The following DLGAP2 variants were observed in gnomAD, a reference collection of about 807,000 sequenced individuals.
DLGAP2 encodes the protein disks large-associated protein 2.
In DLGAP2, 26 loss-of-function variants were observed where a neutral mutation model predicts 100.3. The observed-to-expected ratio is 0.26, with a 90% CI of 0.19 to 0.36. The LOEUF (loss-of-function observed/expected upper bound fraction) is 0.36. DLGAP2 is among the 10% of genes least tolerant of loss of function. The pLI is 1.00. For synonymous variants in DLGAP2, 886 were observed against 630.1 expected (o/e 1.41, Z -6.08); for missense variants, 1,858 against 1,453.2 (o/e 1.28, Z -4.53).
intron 12 of DLGAP2, chr8:1,680,445 TA>T (rs1798917473): frequency 6.6e-6 from 1 of 152,230 alleles, no homozygotes; most frequent in Non-Finnish European, 1.5e-5. Context: ...TGTTAAAACT[TA>T]AGGTCTGAAC....
intron 2 of DLGAP2, among the ~76,000 whole-genome samples, chr8:1,233,198 T>C (rs1158421717): frequency 6.6e-6 from 1 of 152,236 alleles, no homozygotes; most frequent in South Asian, 2.1e-4. Context: ...TTGTCACTCA[T>C]TGGACATTTG....
chr8:1,470,185 T>G (rs1230999948), intron 3 of DLGAP2, among the ~76,000 whole-genome samples: 1 of 152,006 alleles, frequency 6.6e-6, no homozygotes, highest in Non-Finnish European at 1.5e-5. Context: ...CAGTTGTGGC[T>G]GCTGAAAGAC....
At chr8:1,435,110 C>T (rs1441062713) in intron 3 of DLGAP2, among the ~76,000 whole-genome samples, 1 of 152,252 alleles carries the variant, frequency 6.6e-6, no homozygotes, top group East Asian at 1.9e-4. Context: ...TTCCAACCTA[C>T]TCGGGCCTAC....
chr8:1,549,462 G>T lies in DLGAP2; in HGVS notation c.1009G>T (p.Asp337Tyr), dbSNP rs1452739637. ...YPDALQSPFG[D>Y]LSLKTSKSNN... ...CGACGCGCTGCAGAGCCCCTTCGGG[G>T]ACCTGTCCCTCAAGACCTCCAAGAG... is the stretch of plus-strand genomic sequence containing the variant. The change falls in exon 5 of 15, where the codon GAC becomes TAC. Residue 337 changes from aspartate to tyrosine, a missense_variant. Transcript: ENST00000637795. 3 of 1,613,462 alleles carry T rather than the reference G, an allele frequency of 1.9e-6. No homozygotes were observed. The South Asian group carries it at 3.3e-5, about 18-fold the overall frequency.
intron 2 of DLGAP2, among the ~76,000 whole-genome samples, chr8:1,152,257 A>C (rs1057112542): frequency 6.6e-6 from 1 of 152,222 alleles, no homozygotes; most frequent in African/African-American, 2.4e-5. Context: ...ACTTTTAGAA[A>C]TATGTTTGCA....
intron 2 of DLGAP2, among the ~76,000 whole-genome samples, chr8:1,025,804 G>A (rs981543357): frequency 6.6e-6 from 1 of 152,212 alleles, no homozygotes; most frequent in Non-Finnish European, 1.5e-5. Flanking sequence ...TGGCTCTGAG[G>A]CCTGTCAGCC....
chr8:1,334,153 A>C (rs1801219873), intron 3 of DLGAP2, among the ~76,000 whole-genome samples: 1 of 152,240 alleles, frequency 6.6e-6, no homozygotes, highest in African/African-American at 2.4e-5. Flanking sequence ...CTCCTCAGTG[A>C]GGTTCTGGAC....
At chr8:817,711 A>G (rs1563047600) in intron 1 of DLGAP2, among the ~76,000 whole-genome samples, 1 of 152,152 alleles carries the variant, frequency 6.6e-6, no homozygotes, top group Non-Finnish European at 1.5e-5. Context: ...CCTGAGAACC[A>G]AACTGTAGTG....
At chr8:1,001,770 C>G (rs1473977221) in intron 2 of DLGAP2, among the ~76,000 whole-genome samples, 1 of 152,170 alleles carries the variant, frequency 6.6e-6, no homozygotes, top group Non-Finnish European at 1.5e-5. Flanking sequence ...CCTTCCTCCA[C>G]TCCCCCAAAT....
chr8:1,165,392 C>G (rs933291154), intron 2 of DLGAP2, among the ~76,000 whole-genome samples: 5 of 152,166 alleles, frequency 3.3e-5, no homozygotes, highest in African/African-American at 4.8e-5. Flanking sequence ...CAGCCGGGCT[C>G]GGGTCTTAGG....
chr8:1,601,945 G>GGTGTGTGTGTGTGTGTGTGTGTGT (rs55762722), intron 6 of DLGAP2, among the ~76,000 whole-genome samples: 2 of 146,348 alleles, frequency 1.4e-5, no homozygotes, highest in East Asian at 2.0e-4. Flanking sequence ...AATTTAACAG[G>GGTGTGTGTGTGTGTGTGTGTGTGT]GTGTGTGTGT....
chr8:1,626,181 C>G (rs113157528), intron 6 of DLGAP2, among the ~76,000 whole-genome samples: 3 of 145,726 alleles, frequency 2.1e-5, no homozygotes, highest in Admixed American at 6.7e-5. Flanking sequence ...GTTCCCATCT[C>G]TACCCTGTGG....
intron 2 of DLGAP2, among the ~76,000 whole-genome samples, chr8:1,166,235 C>T (rs1310740612): frequency 6.6e-6 from 1 of 152,202 alleles, no homozygotes; most frequent in Non-Finnish European, 1.5e-5. Context: ...CTTCTACCCT[C>T]CTGCTGCCTT....
chr8:1,467,067 C>T (rs1008759721), intron 3 of DLGAP2, among the ~76,000 whole-genome samples: 1 of 141,474 alleles, frequency 7.1e-6, no homozygotes, highest in Non-Finnish European at 1.5e-5. Flanking sequence ...AGACGGATGC[C>T]CGGCCCCGGG....
At chr8:1,299,564 C>A (rs1049999897) in intron 3 of DLGAP2, among the ~76,000 whole-genome samples, 1 of 152,222 alleles carries the variant, frequency 6.6e-6, no homozygotes, top group Non-Finnish European at 1.5e-5. Flanking sequence ...AATTCACTCG[C>A]ACCTTTGGCT....
At chr8:1,307,018 A>C (rs1800507121) in intron 3 of DLGAP2, among the ~76,000 whole-genome samples, 1 of 152,172 alleles carries the variant, frequency 6.6e-6, no homozygotes, top group South Asian at 2.1e-4. Flanking sequence ...CAAGCAACAA[A>C]AGAATAGATA....
chr8:1,448,875 T>C (rs1253163417), intron 3 of DLGAP2, among the ~76,000 whole-genome samples: 2 of 152,162 alleles, frequency 1.3e-5, no homozygotes, highest in African/African-American at 4.8e-5. Context: ...TCCTGACCCA[T>C]AATAGCATGT....
At chr8:1,413,520 C>G (rs111481431) in intron 3 of DLGAP2, among the ~76,000 whole-genome samples, 386 of 152,186 alleles carry the variant, frequency 2.5e-3, no homozygotes, top group African/African-American at 8.8e-3. Context: ...CTAAATCTGG[C>G]AAGTATAGAG....
chr8:1,077,197 C>T (rs1360391842), intron 2 of DLGAP2, among the ~76,000 whole-genome samples: 2 of 152,212 alleles, frequency 1.3e-5, no homozygotes, highest in South Asian at 4.2e-4. Context: ...GATGAGGACA[C>T]CAGTCATGTG....
Sources: gnomAD v4.1 joint callset for allele counts (sites outside exome capture counted in the v4.1 genomes callset) on GRCh38, gnomAD v4.1.1 for gene constraint, MANE v1.5 for transcripts, NCBI Gene and HGNC (gene_info 2026-07-23, HGNC 2026-07-21) for gene names.